Variants in STXBP5L observed in about 807,000 individuals in gnomAD.
STXBP5L encodes syntaxin binding protein 5L.
In STXBP5L, 65 loss-of-function variants were observed where a neutral mutation model predicts 144.5. The observed-to-expected ratio is 0.45, with a 90% confidence interval of 0.37 to 0.55. The LOEUF is 0.55. STXBP5L is among the 20% of genes least tolerant of loss of function. The pLI, the probability that STXBP5L is intolerant of heterozygous loss-of-function variation, is 0.00. For missense variants in STXBP5L, 1,298 were observed against 1,405.5 expected, an observed-to-expected ratio of 0.92 and a Z score of 1.22; for synonymous variants, 505 against 469.6, an observed-to-expected ratio of 1.08 and a Z score of -0.97.
intron 4 of STXBP5L, among the ~76,000 whole-genome samples, chr3:121,042,581 A>G (rs1371577655): frequency 6.6e-6 from 1 of 152,184 alleles, no homozygotes; most frequent in African/African-American, 2.4e-5. Flanking sequence ...ATGGCATGAC[A>G]ATGATCTTTC....
Position 121,378,699 on chromosome 3 carries a change from T to G in STXBP5L, c.2177-17T>G, listed in dbSNP as rs750371146. 3.7e-6 allele frequency: 6 copies of G among 1,610,760 alleles called. No individual in the cohort carries two copies. The South Asian group carries it at 6.6e-5, about 18-fold the overall frequency. On this transcript the variant is annotated splice_polypyrimidine_tract_variant and intron_variant, in intron 20 of 26. Transcript: ENST00000471454. ...GTTAATCATTATATGTATGCTGCCT[T>G]CCTCCTCTTGGCACAGACCATGTAA... is the stretch of plus-strand genomic sequence containing the variant.
At chr3:120,990,585 G>T (rs1184217739) in intron 3 of STXBP5L, among the ~76,000 whole-genome samples, 1 of 151,896 alleles carries the variant, frequency 6.6e-6, no homozygotes, top group African/African-American at 2.4e-5. Flanking sequence ...AACCAAAACA[G>T]CATGGTACTG....
At chr3:121,033,703 A>T (rs974927556) in intron 3 of STXBP5L, among the ~76,000 whole-genome samples, 4 of 151,946 alleles carry the variant, frequency 2.6e-5, no homozygotes, top group Non-Finnish European at 5.9e-5. Flanking sequence ...TTTTAGCATT[A>T]ACTGCTATAT....
At chr3:121,307,163 C>G (rs550876794) in intron 19 of STXBP5L, among the ~76,000 whole-genome samples, 4 of 152,028 alleles carry the variant, frequency 2.6e-5, no homozygotes, top group Admixed American at 6.6e-5. Flanking sequence ...AATAAGCAAA[C>G]AGCAAAAACT....
intron 5 of STXBP5L, among the ~76,000 whole-genome samples, chr3:121,073,374 A>G (rs2041887530): frequency 6.6e-6 from 1 of 152,188 alleles, no homozygotes; most frequent in Non-Finnish European, 1.5e-5. Flanking sequence ...CATCAGGGTG[A>G]CACGACCATG....
At chr3:121,280,474 T>G (rs2051021690) in intron 19 of STXBP5L, among the ~76,000 whole-genome samples, 2 of 151,940 alleles carry the variant, frequency 1.3e-5, no homozygotes, top group African/African-American at 4.8e-5. Flanking sequence ...ACATTTTTCA[T>G]TAACATTTTT....
chr3:121,007,208 G>T (rs74280555), intron 3 of STXBP5L, among the ~76,000 whole-genome samples: 5 of 152,142 alleles, frequency 3.3e-5, no homozygotes, highest in Admixed American at 1.3e-4. Flanking sequence ...AATAGATATT[G>T]AAGTTACTTT....
At chr3:120,926,093 GCA>G (rs1260334482) in intron 2 of STXBP5L, among the ~76,000 whole-genome samples, 1 of 152,144 alleles carries the variant, frequency 6.6e-6, no homozygotes, top group Non-Finnish European at 1.5e-5. Context: ...TAGGTGGATT[GCA>G]CACTACAGCT....
chr3:121,314,997 G>A (rs2043730962), intron 19 of STXBP5L, among the ~76,000 whole-genome samples: 1 of 152,160 alleles, frequency 6.6e-6, no homozygotes, highest in African/African-American at 2.4e-5. Context: ...AGGTGCTGGA[G>A]AGGATGTGGA....
chr3:121,310,478 C>T (rs970911257), intron 19 of STXBP5L, among the ~76,000 whole-genome samples: 18 of 152,110 alleles, frequency 1.2e-4, no homozygotes, highest in Non-Finnish European at 2.5e-4. Flanking sequence ...GGCATGGTGG[C>T]GGACACCTGT....
chr3:121,384,956 A>G (rs2046394513), intron 22 of STXBP5L, among the ~76,000 whole-genome samples: 2 of 152,056 alleles, frequency 1.3e-5, no homozygotes, highest in Non-Finnish European at 2.9e-5. Flanking sequence ...GCTGCCAACT[A>G]TAAATTATTC....
intron 3 of STXBP5L, among the ~76,000 whole-genome samples, chr3:120,974,304 A>G (rs1430621707): frequency 6.6e-6 from 1 of 152,108 alleles, no homozygotes; most frequent in Non-Finnish European, 1.5e-5. Context: ...GATGATGAGC[A>G]CTTTTTCATG....
intron 12 of STXBP5L, among the ~76,000 whole-genome samples, chr3:121,237,469 G>A (rs1351726223): frequency 6.6e-6 from 1 of 152,190 alleles, no homozygotes; most frequent in Non-Finnish European, 1.5e-5. Context: ...GATGGGATGG[G>A]TGGCCTCAAA....
chr3:120,980,420 T>A (rs917717685), intron 3 of STXBP5L, among the ~76,000 whole-genome samples: 2 of 152,084 alleles, frequency 1.3e-5, no homozygotes, highest in African/African-American at 4.8e-5. Context: ...TGTTATATTT[T>A]CTTGTTGAAT....
intron 2 of STXBP5L, among the ~76,000 whole-genome samples, chr3:120,950,234 T>C (rs1382778775): frequency 6.6e-6 from 1 of 152,050 alleles, no homozygotes; most frequent in Non-Finnish European, 1.5e-5. Context: ...TTCTTTTACA[T>C]GTGGATATAG....
intron 5 of STXBP5L, among the ~76,000 whole-genome samples, chr3:121,062,208 A>G (rs1479964263): frequency 6.6e-6 from 1 of 152,158 alleles, no homozygotes; most frequent in African/African-American, 2.4e-5. Context: ...ATCTCTCAGC[A>G]TTTGCTTGTC....
At chr3:121,297,579 C>T (rs2051708185) in intron 19 of STXBP5L, among the ~76,000 whole-genome samples, 2 of 152,200 alleles carry the variant, frequency 1.3e-5, no homozygotes, top group African/African-American at 4.8e-5. Context: ...CATGGTGAAA[C>T]CCTGCCTCTA....
chr3:121,304,269 A>G (rs2043255554), intron 19 of STXBP5L, among the ~76,000 whole-genome samples: 1 of 152,204 alleles, frequency 6.6e-6, no homozygotes, highest in African/African-American at 2.4e-5. Context: ...GAAATAGACA[A>G]TTCTACCATC....
At chr3:121,272,044 T>A (rs988702985) in intron 18 of STXBP5L, among the ~76,000 whole-genome samples, 3 of 152,244 alleles carry the variant, frequency 2.0e-5, no homozygotes, top group Admixed American at 6.5e-5. Flanking sequence ...TGGTCTAACA[T>A]GTTATCTGTT....
Sources: allele counts gnomAD v4.1 joint callset (sites outside exome capture counted in the v4.1 genomes callset), GRCh38; gene constraint gnomAD v4.1.1; transcripts MANE v1.5; gene names NCBI Gene and HGNC (gene_info 2026-07-23, HGNC 2026-07-21).